The following ADAMTS17 variants were observed in gnomAD, a reference collection of about 807,000 sequenced individuals.
ADAMTS17 encodes ADAM metallopeptidase with thrombospondin type 1 motif 17, also known as A disintegrin and metalloproteinase with thrombospondin motifs 17.
A neutral mutation model predicts 141.5 loss-of-function variants in ADAMTS17; 113 were observed. The ratio of observed to expected loss-of-function variants is 0.80; its 90% CI spans 0.69 to 0.93. The LOEUF (loss-of-function observed/expected upper bound fraction) is 0.93, where lower values mean the gene tolerates loss of function less well. Ranked by LOEUF, ADAMTS17 falls within the 40% of genes least tolerant of loss-of-function variation. The probability of loss-of-function intolerance (pLI) is 0.00; values close to 1 mark genes in which losing one functional copy is unlikely to be tolerated. For synonymous variants in ADAMTS17, 768 were observed against 630.6 expected (o/e 1.22, Z -3.27); for missense variants, 1,659 against 1,517.9 (o/e 1.09, Z -1.54).
chr15:100,108,462 C>T (rs1057455791), intron 14 of ADAMTS17, among the ~76,000 whole-genome samples: 2 of 152,332 alleles, frequency 1.3e-5, no homozygotes, highest in Non-Finnish European at 2.9e-5. Flanking sequence ...GCATGAGCCA[C>T]CGCACCCGGC....
chr15:100,333,189 T>C (rs866574649), intron 2 of ADAMTS17, among the ~76,000 whole-genome samples: 3 of 152,012 alleles, frequency 2.0e-5, no homozygotes, highest in African/African-American at 2.4e-5. Flanking sequence ...CACTACCCCA[T>C]GTTATAGGAC....
chr15:99,982,313 C>T (rs767193347), intron 20 of ADAMTS17, among the ~76,000 whole-genome samples: 12 of 152,342 alleles, frequency 7.9e-5, no homozygotes, highest in African/African-American at 2.2e-4. Context: ...GGCTGCCCTT[C>T]GGTCACCAGG....
chr15:100,163,358 C>A (rs1431006762), intron 8 of ADAMTS17, among the ~76,000 whole-genome samples: 1 of 152,174 alleles, frequency 6.6e-6, no homozygotes, highest in African/African-American at 2.4e-5. Context: ...CATGTATCCA[C>A]CCTTCTCTTG....
At chr15:100,162,424 ATATAGT>A (rs1181522952) in intron 8 of ADAMTS17, among the ~76,000 whole-genome samples, 7 of 145,006 alleles carry the variant, frequency 4.8e-5, no homozygotes, top group Non-Finnish European at 9.0e-5. Context: ...ATATATAACT[ATATAGT>A]TATATATACA....
At position 99,976,104 on chromosome 15, in the gene ADAMTS17, C is replaced by T. The variant is rs144662002; in HGVS notation, c.3068G>A (p.Cys1023Tyr). 30 of 1,551,472 alleles carry T rather than the reference C, an allele frequency of 1.9e-5. No homozygotes were observed. Among genetic ancestry groups the T allele is most frequent in the Non-Finnish European group, 2.4e-5 (27 of 1,146,998 alleles). ...ALSKPAPYRQ[C>Y]YQEVCNDRIN... ...CCTGTCGTTGCAGACCTCCTGGTAG[C>T]ACTGTCTGTAGGGGGCAGGCTTCGA... The change falls in exon 21 of 22, where the codon TGC becomes TAC. Residue 1023 changes from cysteine to tyrosine, a missense_variant. Transcript: ENST00000268070.
chr15:100,193,668 C>T (rs553583913), intron 8 of ADAMTS17, among the ~76,000 whole-genome samples: 8 of 151,644 alleles, frequency 5.3e-5, no homozygotes, highest in African/African-American at 7.2e-5. Flanking sequence ...CATTTCTAAA[C>T]GCCCAGTGCT....
At chr15:100,170,329 T>C (rs1156473603) in intron 8 of ADAMTS17, among the ~76,000 whole-genome samples, 1 of 152,180 alleles carries the variant, frequency 6.6e-6, no homozygotes, top group Non-Finnish European at 1.5e-5. Flanking sequence ...TAAAGGGACC[T>C]TGTAGCTCCC....
chr15:100,055,823 T>C (rs2032518515), intron 15 of ADAMTS17, among the ~76,000 whole-genome samples: 1 of 152,230 alleles, frequency 6.6e-6, no homozygotes, highest in South Asian at 2.1e-4. Context: ...CTCTGACCCA[T>C]TTAATCTTCT....
intron 18 of ADAMTS17, among the ~76,000 whole-genome samples, chr15:100,035,476 T>C (rs972256656): frequency 1.3e-5 from 2 of 152,228 alleles, no homozygotes; most frequent in African/African-American, 4.8e-5. Flanking sequence ...GTCTCACCAG[T>C]GTGTAATGTT....
intron 9 of ADAMTS17, among the ~76,000 whole-genome samples, chr15:100,153,961 A>G (rs2039311734): frequency 6.6e-6 from 1 of 152,220 alleles, no homozygotes; most frequent in Non-Finnish European, 1.5e-5. Context: ...CAGGCAGATC[A>G]CCTCGGATCA....
intron 8 of ADAMTS17, among the ~76,000 whole-genome samples, chr15:100,186,947 T>C (rs546801377): frequency 6.6e-6 from 1 of 152,350 alleles, no homozygotes; most frequent in South Asian, 2.1e-4. Context: ...CATCTGCCTA[T>C]TTTTAGTCTT....
intron 15 of ADAMTS17, among the ~76,000 whole-genome samples, chr15:100,093,005 C>G (rs1388296010): frequency 6.6e-6 from 1 of 152,240 alleles, no homozygotes; most frequent in Non-Finnish European, 1.5e-5. Context: ...ACTCAGCTGT[C>G]TTGAGCCAGC....
At chr15:100,068,089 C>T (rs1464018249) in intron 15 of ADAMTS17, among the ~76,000 whole-genome samples, 1 of 152,156 alleles carries the variant, frequency 6.6e-6, no homozygotes, top group Admixed American at 6.5e-5. Context: ...TAGCAAACGG[C>T]ACGCCAGGAG....
At chr15:100,142,791 G>A (rs536058576) in intron 10 of ADAMTS17, among the ~76,000 whole-genome samples, 12 of 152,246 alleles carry the variant, frequency 7.9e-5, no homozygotes, top group Admixed American at 2.6e-4. Context: ...GGAGTATTAC[G>A]TAGAAACAAT....
At chr15:100,141,480 G>C (rs2038649421) in intron 10 of ADAMTS17, among the ~76,000 whole-genome samples, 1 of 152,216 alleles carries the variant, frequency 6.6e-6, no homozygotes, top group South Asian at 2.1e-4. Flanking sequence ...CCAAAAGAGA[G>C]AGAAAATCAA....
rs138142365 is a variant in ADAMTS17, at chr15:100,222,686, C to T, written c.1076-23263G>A. On this transcript the variant is annotated intron_variant, in intron 7 of 21. Coordinates refer to ENST00000268070, the MANE Select transcript of ADAMTS17 (RefSeq NM_139057.4). ...AATATTGGGGGCAGGAGTTGTTACA[C>T]GACTGAGGGGTCATGCCTGGACAGA... Among the ~76,000 whole-genome samples, 798 of 152,314 alleles carry T rather than the reference C, an allele frequency of 5.2e-3. 3 individuals carry two copies. The highest frequency in any genetic ancestry group is 0.017 in the African/African-American group (706 of 41,570).
chr15:99,992,232 T>C (rs1241527307), intron 20 of ADAMTS17, among the ~76,000 whole-genome samples: 1 of 152,158 alleles, frequency 6.6e-6, no homozygotes, highest in African/African-American at 2.4e-5. Flanking sequence ...TTCTGCAGGC[T>C]GAGCAAAAAC....
intron 1 of ADAMTS17, 80 bp from the exon 2 acceptor site, chr15:100,341,489 G>C: frequency 6.0e-6 from 6 of 1,000,516 alleles, no homozygotes; most frequent in Non-Finnish European, 7.1e-6. Context: ...AGCCGCGCCA[G>C]CGCGGGGACA....
chr15:100,221,942 G>C (rs1307322450), intron 7 of ADAMTS17, among the ~76,000 whole-genome samples: 1 of 152,192 alleles, frequency 6.6e-6, no homozygotes, highest in Non-Finnish European at 1.5e-5. Flanking sequence ...CTGAGAAGCT[G>C]TGCAGGCATC....
Sources: allele counts gnomAD v4.1 joint callset (sites outside exome capture counted in the v4.1 genomes callset), GRCh38; gene constraint gnomAD v4.1.1; transcripts MANE v1.5; gene names NCBI Gene and HGNC (gene_info 2026-07-23, HGNC 2026-07-21).